SEC63: variants seen among roughly 807,000 people sequenced by gnomAD.
The protein encoded by SEC63 is translocation protein SEC63 homolog.
SEC63 carries 56 observed loss-of-function variants against 116.2 expected under a neutral mutation model. The ratio of observed to expected loss-of-function variants is 0.48; its 90% confidence interval spans 0.39 to 0.60. The LOEUF (loss-of-function observed/expected upper bound fraction) is 0.60. Ranked by LOEUF, SEC63 falls within the 20% of genes least tolerant of loss-of-function variation. SEC63 has a pLI of 0.00. For synonymous variants in SEC63, 273 were observed against 294.6 expected (o/e 0.93, Z 0.75); for missense variants, 668 against 900.0 (o/e 0.74, Z 3.30).
intron 13 of SEC63, among the ~76,000 whole-genome samples, chr6:107,900,664 TA>T (rs1471411878): frequency 6.6e-6 from 1 of 152,070 alleles, no homozygotes; most frequent in Non-Finnish European, 1.5e-5. Flanking sequence ...TATTTATAAA[TA>T]AATAAAATAA....
chr6:107,916,642 G>A (rs1787406509), intron 4 of SEC63, among the ~76,000 whole-genome samples: 1 of 152,154 alleles, frequency 6.6e-6, no homozygotes, highest in African/African-American at 2.4e-5. Flanking sequence ...AACAGCATGT[G>A]CTCACTTCAT....
rs765579565 is a variant in SEC63 at position 107,906,734 on chromosome 6, C to A, written c.777G>T (p.Gln259His). Reference sequence around the variant, plus strand: ...GTCTGCTTGTGGCATCTTTATTATACTGAGGATCAAATTCAGAAGCTCCAG... The same window carrying A: ...GTCTGCTTGTGGCATCTTTATTATAATGAGGATCAAATTCAGAAGCTCCAG... The part of the protein sequence containing the change: ...VLAGASEFDP[Q>H]YNKDATSRPT... The change falls in exon 9 of 21, where the codon CAG becomes CAT. Residue 259 changes from glutamine (Q) to histidine (H), a missense_variant. Around this residue, in one of 5 missense-constraint regions of SEC63, gnomAD observed 430 missense variants for 557.5 expected, o/e 0.77. Transcript: ENST00000369002. The A allele has an allele frequency of 1.9e-6, 3 of 1,613,926 alleles. No homozygotes were observed. The Admixed American group carries it at 5.0e-5, about 27-fold the overall frequency.
At chr6:107,934,993 G>C (rs1479452104) in intron 1 of SEC63, among the ~76,000 whole-genome samples, 2 of 123,218 alleles carry the variant, frequency 1.6e-5, no homozygotes, top group African/African-American at 6.4e-5. Flanking sequence ...CAGGGAGGTG[G>C]GGGGGTCAGC....
chr6:107,894,771 CTTT>C (rs113950083), intron 14 of SEC63, among the ~76,000 whole-genome samples: 1 of 146,382 alleles, frequency 6.8e-6, no homozygotes, highest in Admixed American at 6.8e-5. Flanking sequence ...CACCACTTGC[CTTT>C]TTTTTTTTTT....
chr6:107,886,411 A>C (rs1786530254), intron 16 of SEC63, among the ~76,000 whole-genome samples: 1 of 152,206 alleles, frequency 6.6e-6, no homozygotes, highest in South Asian at 2.1e-4. Flanking sequence ...TCCTAGTTCT[A>C]GATCCTTGAG....
chr6:107,884,248 C>A, intron 16 of SEC63, among the ~76,000 whole-genome samples: 1 of 57,372 alleles, frequency 1.7e-5, no homozygotes, highest in African/African-American at 4.5e-5. Context: ...ATGACTCTGT[C>A]TCAAAAAAAA....
chr6:107,929,911 T>C (rs1429965075), intron 1 of SEC63, among the ~76,000 whole-genome samples: 1 of 152,174 alleles, frequency 6.6e-6, no homozygotes, highest in Non-Finnish European at 1.5e-5. Context: ...TAAGCAGAAA[T>C]AATACTCTTC....
intron 14 of SEC63, among the ~76,000 whole-genome samples, chr6:107,896,911 G>A (rs1786852354): frequency 6.6e-6 from 1 of 151,494 alleles, no homozygotes; most frequent in South Asian, 2.1e-4. Flanking sequence ...CCCAGGAGAT[G>A]GGAGGTTGCA....
At chr6:107,904,587 G>T in intron 11 of SEC63, 42 bp downstream of exon 11, 3 of 1,479,546 alleles carry the variant, frequency 2.0e-6, no homozygotes, top group Non-Finnish European at 2.8e-6. Context: ...GCATATGCTT[G>T]CAAGAAAAAG....
intron 16 of SEC63, among the ~76,000 whole-genome samples, chr6:107,892,777 A>T (rs951602455): frequency 2.0e-5 from 3 of 152,146 alleles, no homozygotes; most frequent in Non-Finnish European, 2.9e-5. Context: ...AACAAAAACC[A>T]CATAAAGAGA....
chr6:107,898,309 C>A (rs1786914035), intron 13 of SEC63, among the ~76,000 whole-genome samples: 1 of 151,748 alleles, frequency 6.6e-6, no homozygotes, highest in Non-Finnish European at 1.5e-5. Flanking sequence ...ATACCCAAAC[C>A]CACACAACAC....
Position 107,870,593 on chromosome 6 carries a change from T to G in SEC63, c.*1111A>C, listed in dbSNP as rs939281915. ...CTCTTTACAAGCACTATCCTTCCAG[T>G]TGTACTATGAGGGGAAATCCCTCTC... On this transcript the variant is annotated 3_prime_UTR_variant, in exon 21 of 21. Coordinates refer to ENST00000369002, the MANE Select transcript of SEC63 (RefSeq NM_007214.5). 1.3e-5 allele frequency: 2 copies of G among 152,204 alleles called. No homozygotes were observed. The highest frequency in any genetic ancestry group is 1.3e-4 in the Admixed American group (2 of 15,270). 9.4% of individuals were successfully genotyped at this position (152,204 alleles called of 1,614,324 possible). A position where few individuals can be genotyped will look rare whatever the true frequency, so the allele number is the denominator to read the frequency against.
At chr6:107,940,845 C>T (rs1012091126) in intron 1 of SEC63, among the ~76,000 whole-genome samples, 2 of 150,138 alleles carry the variant, frequency 1.3e-5, no homozygotes, top group African/African-American at 2.5e-5. Flanking sequence ...ACCTGGGACG[C>T]GGGGAGGGAA....
intron 1 of SEC63, among the ~76,000 whole-genome samples, chr6:107,937,378 G>A (rs62427396): frequency 0.023 from 3,545 of 151,942 alleles, 67 homozygotes; most frequent in Non-Finnish European, 0.035. Context: ...CACCTGCCTC[G>A]GCCTCCCAAA....
In SEC63 at chr6:107,887,709, C is replaced by T. The variant is rs201712708; in HGVS notation, c.1675-4563G>A. Among the ~76,000 whole-genome samples the T allele has an allele frequency of 1.2e-3, 175 of 152,030 alleles. 5 individuals are homozygous for T. In the East Asian group the frequency reaches 0.027, roughly 23 times the overall value. ...CACACGTATACATATGTAACTAACCCGCACAATGTGCACATGTACCCTAAA... is the reference window on the plus strand; with the variant it reads ...CACACGTATACATATGTAACTAACCTGCACAATGTGCACATGTACCCTAAA... On this transcript the variant is annotated intron_variant, in intron 16 of 20. Transcript: ENST00000369002.
intron 16 of SEC63, 98 bp downstream of exon 16, chr6:107,893,384 A>T: frequency 8.2e-7 from 1 of 1,220,502 alleles, no homozygotes; most frequent in Non-Finnish European, 1.2e-6. Context: ...CGGGTGCATA[A>T]ATTATGTAAA....
At chr6:107,885,552 A>G (rs942712475) in intron 16 of SEC63, among the ~76,000 whole-genome samples, 3 of 152,250 alleles carry the variant, frequency 2.0e-5, no homozygotes, top group Non-Finnish European at 4.4e-5. Flanking sequence ...AAGACTCAGT[A>G]TTGTTAACAT....
intron 11 of SEC63, among the ~76,000 whole-genome samples, chr6:107,903,544 C>G (rs1787059362): frequency 6.6e-6 from 1 of 152,032 alleles, no homozygotes; most frequent in Non-Finnish European, 1.5e-5. Flanking sequence ...CACCTCTACA[C>G]AAAATGTAAA....
intron 19 of SEC63, among the ~76,000 whole-genome samples, chr6:107,873,719 C>A (rs1475012593): frequency 6.6e-6 from 1 of 151,548 alleles, no homozygotes; most frequent in Non-Finnish European, 1.5e-5. Context: ...CTGGTAGAAA[C>A]AACCAGAATA....
Sources: gnomAD v4.1 joint callset for allele counts (sites outside exome capture counted in the v4.1 genomes callset) on GRCh38, gnomAD v4.1.1 for gene constraint, gnomAD v4.1.1 regional missense constraint, MANE v1.5 for transcripts, NCBI Gene and HGNC (gene_info 2026-07-23, HGNC 2026-07-21) for gene names.